The following ARHGAP23 variants were observed in gnomAD, a reference collection of about 807,000 sequenced individuals.
The protein encoded by ARHGAP23 is rho GTPase-activating protein 23.
A neutral mutation model predicts 136.3 loss-of-function variants in ARHGAP23; 34 were observed. The ratio of observed to expected loss-of-function variants is 0.25; its 90% CI spans 0.19 to 0.33. The LOEUF (loss-of-function observed/expected upper bound fraction) is 0.33, where lower values mean the gene tolerates loss of function less well. Ranked by LOEUF, ARHGAP23 falls within the 10% of genes least tolerant of loss-of-function variation. ARHGAP23 has a pLI of 1.00. For missense variants in ARHGAP23, 1,808 were observed against 2,139.0 expected (o/e 0.85, Z 3.05); for synonymous variants, 832 against 920.5 (o/e 0.90, Z 1.74).
chr17:38,428,256 GCGCTCGC>G (rs201621126), upstream of ARHGAP23, among the ~76,000 whole-genome samples: 1,208 of 152,166 alleles, frequency 7.9e-3, 11 homozygotes, highest in Middle Eastern at 0.017. Flanking sequence ...CTCTCAGGCA[GCGCTCGC>G]CTCTGCCTCA....
rs532722360 is a variant in ARHGAP23, at chr17:38,488,666, A to G, written c.2987-1436A>G. 2.0e-5 allele frequency among the ~76,000 whole-genome samples: 3 copies of G among 152,184 alleles called. No individual in the cohort carries two copies. In the South Asian group the frequency reaches 6.2e-4, roughly 32 times the overall value. Reference sequence around the variant, plus strand: ...TGGGTTCAAGCGATTCTCCTGCCTCAGTCTCCCGAACAGCTGGGATTACAG... The same window carrying G: ...TGGGTTCAAGCGATTCTCCTGCCTCGGTCTCCCGAACAGCTGGGATTACAG... On this transcript the variant is annotated intron_variant, in intron 17 of 23. Transcript: ENST00000622683.
chr17:38,432,205 A>G (rs1479689890), intron 1 of ARHGAP23, among the ~76,000 whole-genome samples: 3 of 152,192 alleles, frequency 2.0e-5, no homozygotes, highest in African/African-American at 4.8e-5. Context: ...GCTTACCACT[A>G]TGTTGGTATA....
chr17:38,454,166 G>GGCCGGGGCCGGT lies in ARHGAP23; in HGVS notation c.64-3928_64-3927insCGGTGCCGGGGC, dbSNP rs2039267759. 1.1e-4 allele frequency: 17 copies of GGCCGGGGCCGGT among 152,920 alleles called. No individual in the cohort carries two copies. In the South Asian group the frequency reaches 3.0e-3, roughly 27 times the overall value. 9.5% of individuals were successfully genotyped at this position (152,920 alleles called of 1,614,324 possible). On this transcript the variant is annotated intron_variant, in intron 1 of 23. Transcript: ENST00000622683. ...GTGAGAGCCGCGGGGCCGGGGCCGG[G>GGCCGGGGCCGGT]GCCGGGGCAGGCCTTGTCGGGGTCT... is the stretch of plus-strand genomic sequence containing the variant.
chr17:38,467,213 C>G lies in ARHGAP23; in HGVS notation c.1530C>G (p.Asn510Lys), dbSNP rs1308933453. 10 of 1,550,956 alleles carry G rather than the reference C, an allele frequency of 6.4e-6. No homozygotes were observed. The highest frequency in any genetic ancestry group is 7.8e-6 in the Non-Finnish European group (9 of 1,146,668). ...KVQLTPARQMNLGFGDESPEP... is the reference protein window; with the variant it reads ...KVQLTPARQMKLGFGDESPEP... ...AGCTGACCCCCGCAAGACAGATGAA[C>G]CTTGGATTTGGTGACGAGTCCCCAG... The change falls in exon 7 of 24, where the codon AAC becomes AAG. Residue 510 changes from asparagine (N) to lysine (K), a missense_variant. Around this residue, in one of 7 missense-constraint regions of ARHGAP23, gnomAD observed 859 missense variants for 936.4 expected, o/e 0.92. Transcript: ENST00000622683.
intron 6 of ARHGAP23, 44 bp from the exon 7 acceptor site, chr17:38,466,123 G>A: frequency 7.0e-7 from 1 of 1,420,124 alleles, no homozygotes; most frequent in Non-Finnish European, 9.2e-7. Context: ...CTACCCTGTG[G>A]GACTTGTCTG....
intron 3 of ARHGAP23, among the ~76,000 whole-genome samples, chr17:38,461,471 C>G (rs1456515954): frequency 6.6e-6 from 1 of 152,208 alleles, no homozygotes; most frequent in Non-Finnish European, 1.5e-5. Context: ...CCAGGTTATT[C>G]AAGGCAGAGT....
At chr17:38,493,929 G>T (rs1425192827) in intron 20 of ARHGAP23, among the ~76,000 whole-genome samples, 2 of 152,182 alleles carry the variant, frequency 1.3e-5, no homozygotes, top group East Asian at 1.9e-4. Context: ...TTTGCTCAGG[G>T]ACTCACTCAG....
intron 1 of ARHGAP23, among the ~76,000 whole-genome samples, chr17:38,430,837 A>C (rs2038670816): frequency 6.6e-6 from 1 of 152,226 alleles, no homozygotes. Context: ...TGGTGCCTGG[A>C]AACAAAAAAT....
chr17:38,510,927 GC>G lies in ARHGAP23; in HGVS notation c.4436del (p.Pro1479ArgfsTer27). On this transcript the variant is annotated frameshift_variant, in exon 24 of 24. Transcript: ENST00000622683. LOFTEE classifies it high-confidence loss of function. This position sits in a 1 kb window ranked among gnomAD's most constrained non-coding sequence, Gnocchi z 4.6. Reference sequence around the variant, plus strand: ...GGGACACGGGGTCCCTGCAGAGCCAGCCCCCGCGCCGCTCGGCCGCCTCCCG... The same window carrying G: ...GGGACACGGGGTCCCTGCAGAGCCAGCCCCGCGCCGCTCGGCCGCCTCCCG... ...PGDTGSLQSQPPRRSAASRLH... is the reference protein window; with the variant it reads ...PGDTGSLQSQXPRRSAASRLH... The G allele has an allele frequency of 1.4e-6, 2 of 1,472,552 alleles. No homozygotes were observed. The highest frequency in any genetic ancestry group is 2.6e-5 in the Admixed American group (1 of 38,888). The allele number at this position is 1,472,552 out of a possible 1,614,324, so 91.2% of individuals were successfully genotyped here.
intron 23 of ARHGAP23, among the ~76,000 whole-genome samples, chr17:38,504,752 C>T (rs1653505587): frequency 6.6e-6 from 1 of 152,070 alleles, no homozygotes; most frequent in Admixed American, 6.6e-5. Flanking sequence ...CATCAGAAAC[C>T]ATTGTTCTAG....
intron 1 of ARHGAP23, among the ~76,000 whole-genome samples, chr17:38,446,954 C>T (rs2039048757): frequency 6.6e-6 from 1 of 152,044 alleles, no homozygotes; most frequent in Non-Finnish European, 1.5e-5. Context: ...GCTGGGACTA[C>T]AAGTGTGTGC....
chr17:38,499,100 C>G (rs906703079), intron 22 of ARHGAP23: 1 of 641,114 alleles, frequency 1.6e-6, no homozygotes, highest in Non-Finnish European at 2.8e-6. Context: ...TCCACTTACC[C>G]CAGCAGTCCA....
intron 20 of ARHGAP23, among the ~76,000 whole-genome samples, chr17:38,497,422 C>T (rs35995912): frequency 0.14 from 21,673 of 152,152 alleles, 2,206 homozygotes; most frequent in African/African-American, 0.29. Context: ...CCCTGCCCCC[C>T]GGCTCGCTGT....
chr17:38,480,369 C>T (rs1251942025), intron 14 of ARHGAP23, among the ~76,000 whole-genome samples: 2 of 152,170 alleles, frequency 1.3e-5, no homozygotes, highest in Non-Finnish European at 2.9e-5. Context: ...CGCGATGGCT[C>T]ACGCCTGTAA....
At chr17:38,494,711 G>C (rs946941286) in intron 20 of ARHGAP23, among the ~76,000 whole-genome samples, 3 of 152,218 alleles carry the variant, frequency 2.0e-5, no homozygotes, top group African/African-American at 7.2e-5. Context: ...CCCGGCCCTG[G>C]GTGCAGGGCT....
intron 11 of ARHGAP23, among the ~76,000 whole-genome samples, chr17:38,475,182 C>T (rs888456463): frequency 3.9e-5 from 6 of 152,252 alleles, no homozygotes; most frequent in African/African-American, 1.4e-4. Flanking sequence ...TGTGCTCCCT[C>T]CCAGCCCCAG....
At chr17:38,458,384 C>T (rs1006021223) in intron 2 of ARHGAP23, 121 bp downstream of exon 2, 16 of 1,310,166 alleles carry the variant, frequency 1.2e-5, no homozygotes, top group South Asian at 1.6e-5. Flanking sequence ...TCCTGGGGTC[C>T]GGCCTGACTC....
chr17:38,491,106 C>T (rs1441992383), intron 19 of ARHGAP23, among the ~76,000 whole-genome samples: 2 of 152,188 alleles, frequency 1.3e-5, no homozygotes, highest in African/African-American at 4.8e-5. Context: ...AAAATAACCC[C>T]TGGGACCTCC....
intron 1 of ARHGAP23, among the ~76,000 whole-genome samples, chr17:38,444,485 C>G (rs2038988240): frequency 6.6e-6 from 1 of 152,132 alleles, no homozygotes; most frequent in African/African-American, 2.4e-5. Context: ...GGCCCCCACA[C>G]TGAGCCAGGT....
Sources: gnomAD v4.1 joint callset for allele counts (sites outside exome capture counted in the v4.1 genomes callset) on GRCh38, gnomAD v4.1.1 for gene constraint, gnomAD v4.1.1 regional missense constraint, Gnocchi (gnomAD v3.1) non-coding constraint, MANE v1.5 for transcripts, NCBI Gene and HGNC (gene_info 2026-07-23, HGNC 2026-07-21) for gene names.